Variants in TBX15 observed in about 807,000 individuals in gnomAD.
TBX15 encodes the protein T-box transcription factor 15, also known as T-box transcription factor TBX15.
Under a neutral mutation model 53.9 loss-of-function variants are expected in TBX15, and 18 were observed. The observed-to-expected ratio is 0.33, with a 90% CI of 0.23 to 0.49. TBX15 has a LOEUF of 0.49. Among genes scored for constraint, TBX15 ranks in the 20% least tolerant of loss-of-function variants. The pLI, the probability that TBX15 is intolerant of heterozygous loss-of-function variation, is 0.98. For missense variants in TBX15, 692 were observed against 749.5 expected (o/e 0.92, Z 0.90); for synonymous variants, 295 against 278.0 (o/e 1.06, Z -0.61).
At chr1:118,952,746 T>C (rs940144896) in intron 1 of TBX15, among the ~76,000 whole-genome samples, 21 of 152,108 alleles carry the variant, frequency 1.4e-4, no homozygotes, top group Non-Finnish European at 1.0e-4. Context: ...TAATAGTAAC[T>C]CTTTGACTCA....
chr1:118,942,789 A>T (rs1656230296), intron 1 of TBX15, among the ~76,000 whole-genome samples: 1 of 152,196 alleles, frequency 6.6e-6, no homozygotes, highest in Non-Finnish European at 1.5e-5. Flanking sequence ...CTAAGAAGAG[A>T]AGGTGCTTAC....
At chr1:118,988,713 C>A (rs181220582), upstream of TBX15, among the ~76,000 whole-genome samples, 1 of 152,190 alleles carries the variant, frequency 6.6e-6, no homozygotes, top group South Asian at 2.1e-4. Context: ...AAAATGTTAA[C>A]CTGTCCAAAA....
At chr1:118,920,942 A>G (rs937556952) in intron 5 of TBX15, among the ~76,000 whole-genome samples, 5 of 152,100 alleles carry the variant, frequency 3.3e-5, no homozygotes, top group Non-Finnish European at 7.4e-5. Flanking sequence ...TGGGAGGCCG[A>G]GGTGGGAGAA....
intron 1 of TBX15, among the ~76,000 whole-genome samples, chr1:118,962,825 T>C (rs1656923063): frequency 6.6e-6 from 1 of 152,168 alleles, no homozygotes; most frequent in Non-Finnish European, 1.5e-5. Flanking sequence ...ACACTGACCA[T>C]TTAGGTAACT....
At position 118,883,117 on chromosome 1, in the gene TBX15, C is replaced by T. The variant is rs191626254; in HGVS notation, c.*1615G>A. 6.5e-6 allele frequency: 1 copy of T among 152,714 alleles called. No homozygotes were observed. 9.5% of individuals were successfully genotyped at this position (152,714 alleles called of 1,614,324 possible). A position where few individuals can be genotyped will look rare whatever the true frequency, so the allele number is the denominator to read the frequency against. On this transcript the variant is annotated 3_prime_UTR_variant, in exon 8 of 8. Coordinates refer to ENST00000369429, the MANE Select transcript of TBX15 (RefSeq NM_001330677.2). ...AGAAACAGAGTTCCGTGCATAAGGG[C>T]AAATTTTTGTACACCTTTTCTTCAT... is the stretch of plus-strand genomic sequence containing the variant.
chr1:118,895,954 C>T (rs1237401115), intron 7 of TBX15, among the ~76,000 whole-genome samples: 1 of 152,186 alleles, frequency 6.6e-6, no homozygotes, highest in Non-Finnish European at 1.5e-5. Context: ...GCTCTGCCAC[C>T]ACTTAACTAC....
At chr1:118,953,641 T>C (rs1203892100) in intron 1 of TBX15, among the ~76,000 whole-genome samples, 1 of 152,256 alleles carries the variant, frequency 6.6e-6, no homozygotes, top group African/African-American at 2.4e-5. Context: ...ATGGGAATTA[T>C]CTGAAACCCA....
rs1450722472 is a variant in TBX15, at chr1:118,987,851, C to A, written c.-56G>T. The stretch of plus-strand genomic sequence containing the variant: ...CCCCCGCTACCGAGGGAGCAGCCGG[C>A]GCCCTCAAGCTCTGAGCGCCCACCG... On this transcript the variant is annotated 5_prime_UTR_variant, in exon 1 of 8. Coordinates refer to ENST00000369429, the MANE Select transcript of TBX15 (RefSeq NM_001330677.2). 24 of 1,539,562 alleles carry A rather than the reference C, an allele frequency of 1.6e-5. No individual in the cohort carries two copies. Among genetic ancestry groups the A allele is most frequent in the Admixed American group, 2.0e-5 (1 of 50,778 alleles).
chr1:118,970,417 G>A (rs1557904524), intron 1 of TBX15, among the ~76,000 whole-genome samples: 1 of 152,298 alleles, frequency 6.6e-6, no homozygotes, highest in East Asian at 1.9e-4. Context: ...GAATCAAGGA[G>A]ACCTTTATCT....
At chr1:118,935,616 G>C (rs1437630550) in intron 1 of TBX15, among the ~76,000 whole-genome samples, 1 of 152,182 alleles carries the variant, frequency 6.6e-6, no homozygotes, top group African/African-American at 2.4e-5. Context: ...GTGACTCACA[G>C]GGCCAAAGCA....
intron 1 of TBX15, among the ~76,000 whole-genome samples, chr1:118,983,009 G>C (rs557466510): frequency 6.6e-6 from 1 of 152,304 alleles, no homozygotes; most frequent in East Asian, 1.9e-4. Context: ...AGCCTTCGCT[G>C]CCCATGAGGT....
At chr1:118,973,653 A>C (rs1657315632) in intron 1 of TBX15, among the ~76,000 whole-genome samples, 1 of 152,114 alleles carries the variant, frequency 6.6e-6, no homozygotes, top group African/African-American at 2.4e-5. Flanking sequence ...GAATGTAGTC[A>C]AGCCCCAAAG....
chr1:118,984,193 G>A (rs1357628897), intron 1 of TBX15, among the ~76,000 whole-genome samples: 1 of 152,230 alleles, frequency 6.6e-6, no homozygotes, highest in African/African-American at 2.4e-5. Flanking sequence ...CCTGCCACGT[G>A]TACACGTGTA....
At position 118,987,865 on chromosome 1, in the gene TBX15, G is replaced by A. The variant is rs898586456; in HGVS notation, c.-70C>T. ...GGAGCAGCCGGCGCCCTCAAGCTCT[G>A]AGCGCCCACCGGGCCCGGCCCGGGA... On this transcript the variant is annotated 5_prime_UTR_variant, in exon 1 of 8. Transcript: ENST00000369429. 6.1e-5 allele frequency: 94 copies of A among 1,529,102 alleles called. 1 individual carries two copies. Among genetic ancestry groups the A allele is most frequent in the Non-Finnish European group, 8.1e-5 (92 of 1,136,036 alleles). 94.7% of individuals were successfully genotyped at this position (1,529,102 alleles called of 1,614,324 possible). A position where few individuals can be genotyped will look rare whatever the true frequency, so the allele number is the denominator to read the frequency against.
At chr1:118,893,583 AAAGG>A (rs1224314953) in intron 7 of TBX15, among the ~76,000 whole-genome samples, 29 of 128,738 alleles carry the variant, frequency 2.3e-4, no homozygotes, top group East Asian at 9.1e-4. Flanking sequence ...GGAAAGAAAG[AAAGG>A]AAGGAAGGAA....
At chr1:118,933,142 A>T (rs960190999) in intron 1 of TBX15, among the ~76,000 whole-genome samples, 1 of 151,964 alleles carries the variant, frequency 6.6e-6, no homozygotes, top group African/African-American at 2.4e-5. Flanking sequence ...TGAAAGATAC[A>T]CCCCATTGTT....
chr1:118,906,744 T>C (rs550856584), intron 6 of TBX15, among the ~76,000 whole-genome samples: 1 of 152,234 alleles, frequency 6.6e-6, no homozygotes, highest in Admixed American at 6.5e-5. Flanking sequence ...GTGGCACCAG[T>C]CTTAGATCAG....
At chr1:118,928,610 G>A (rs1655675860) in intron 2 of TBX15, among the ~76,000 whole-genome samples, 1 of 152,130 alleles carries the variant, frequency 6.6e-6, no homozygotes, top group African/African-American at 2.4e-5. Flanking sequence ...GCCAGAGATG[G>A]GGCAAAAGTC....
At chr1:118,896,972 T>C (rs1654449000) in intron 7 of TBX15, among the ~76,000 whole-genome samples, 1 of 152,196 alleles carries the variant, frequency 6.6e-6, no homozygotes, top group Non-Finnish European at 1.5e-5. Context: ...CCCCATCCCA[T>C]CACCATATGT....
Sources: allele counts gnomAD v4.1 joint callset (sites outside exome capture counted in the v4.1 genomes callset), GRCh38; gene constraint gnomAD v4.1.1; transcripts MANE v1.5; gene names NCBI Gene and HGNC (gene_info 2026-07-23, HGNC 2026-07-21).